Variants in RBFOX3 observed in about 807,000 individuals in gnomAD.
RBFOX3 encodes the protein RNA binding protein fox-1 homolog 3.
Under a neutral mutation model 48.7 loss-of-function variants are expected in RBFOX3, and 17 were observed. The ratio of observed to expected loss-of-function variants is 0.35; its 90% CI spans 0.24 to 0.52. RBFOX3 has a LOEUF of 0.52. Ranked by LOEUF, RBFOX3 falls within the 20% of genes least tolerant of loss-of-function variation. The pLI is 0.94. For synonymous variants in RBFOX3, 212 were observed against 209.5 expected, an observed-to-expected ratio of 1.01 and a Z score of -0.10; for missense variants, 382 against 497.5, an observed-to-expected ratio of 0.77 and a Z score of 2.21.
At chr17:79,333,030 G>A (rs2080637464) in intron 2 of RBFOX3, among the ~76,000 whole-genome samples, 1 of 151,538 alleles carries the variant, frequency 6.6e-6, no homozygotes, top group African/African-American at 2.4e-5. Flanking sequence ...TGGGGTGGGG[G>A]AGAGACATAT....
At chr17:79,478,247 C>G (rs1555764124) in intron 2 of RBFOX3, among the ~76,000 whole-genome samples, 1 of 152,170 alleles carries the variant, frequency 6.6e-6, no homozygotes, top group Non-Finnish European at 1.5e-5. Flanking sequence ...GAAGCACGCT[C>G]ATTTGGAGAT....
At chr17:79,654,122 G>A in the RBFOX3 span, among the ~76,000 whole-genome samples, 2 of 152,120 alleles carry the variant, frequency 1.3e-5, no homozygotes, top group Non-Finnish European at 2.9e-5. Context: ...GGGAATTGTG[G>A]ACGTATACAG....
chr17:79,265,006 A>G (rs2066458854), intron 3 of RBFOX3, among the ~76,000 whole-genome samples: 1 of 151,802 alleles, frequency 6.6e-6, no homozygotes, highest in African/African-American at 2.4e-5. Flanking sequence ...TAAAAACTGC[A>G]TCAAACTACT....
intron 3 of RBFOX3, among the ~76,000 whole-genome samples, chr17:79,277,303 AG>A (rs372298818): frequency 1.4e-4 from 11 of 76,696 alleles, no homozygotes; most frequent in Non-Finnish European, 1.8e-4. Context: ...AATGGTGGGG[AG>A]GGGGGGGGTA....
At chr17:79,618,058 C>T in the RBFOX3 span, among the ~76,000 whole-genome samples, 1 of 152,170 alleles carries the variant, frequency 6.6e-6, no homozygotes, top group Non-Finnish European at 1.5e-5. Context: ...ACTTGCACGC[C>T]GTCCGTCTCT....
chr17:79,406,695 A>G (rs950425993), intron 2 of RBFOX3, among the ~76,000 whole-genome samples: 1 of 152,182 alleles, frequency 6.6e-6, no homozygotes, highest in African/African-American at 2.4e-5. Context: ...ACCACGTCGC[A>G]TGGAATTGGC....
chr17:79,514,985 T>C (rs1555782836), intron 1 of RBFOX3, among the ~76,000 whole-genome samples: 1 of 152,122 alleles, frequency 6.6e-6, no homozygotes, highest in African/African-American at 2.4e-5. Context: ...CCTAGAGCCG[T>C]CACCTCTTTG....
At chr17:79,591,091 T>C (rs12941717) in intron 1 of RBFOX3, among the ~76,000 whole-genome samples, 30,247 of 152,116 alleles carry the variant, frequency 0.2, 3,617 homozygotes, top group Middle Eastern at 0.3. Context: ...CTCCCAAGCC[T>C]GCTCACTGTT....
intron 2 of RBFOX3, among the ~76,000 whole-genome samples, chr17:79,318,344 T>C (rs906784410): frequency 1.3e-5 from 2 of 152,128 alleles, no homozygotes; most frequent in African/African-American, 4.8e-5. Flanking sequence ...GAGATGAAAC[T>C]GCTGGGGGCA....
chr17:79,291,764 TC>T (rs1364952319), intron 3 of RBFOX3, among the ~76,000 whole-genome samples: 1 of 152,134 alleles, frequency 6.6e-6, no homozygotes, highest in Non-Finnish European at 1.5e-5. Flanking sequence ...ACAGCCCCTC[TC>T]CCCTGGCAAC....
At chr17:79,156,634 A>G (rs1448423268) in intron 4 of RBFOX3, among the ~76,000 whole-genome samples, 1 of 151,926 alleles carries the variant, frequency 6.6e-6, no homozygotes, top group Non-Finnish European at 1.5e-5. Flanking sequence ...TTTTATTGGA[A>G]CCTGGCCACA....
At chr17:79,281,690 T>G (rs951674306) in intron 3 of RBFOX3, among the ~76,000 whole-genome samples, 1 of 152,268 alleles carries the variant, frequency 6.6e-6, no homozygotes, top group South Asian at 2.1e-4. Context: ...CTGGTGGACC[T>G]GGCTGGAATT....
At chr17:79,409,932 A>C (rs2064059525) in intron 2 of RBFOX3, among the ~76,000 whole-genome samples, 1 of 152,236 alleles carries the variant, frequency 6.6e-6, no homozygotes, top group South Asian at 2.1e-4. Context: ...TAGAAGGTGC[A>C]GATTGGAGGG....
At chr17:79,611,173 TCCG>T (rs2093964628), upstream of RBFOX3, among the ~76,000 whole-genome samples, 41 of 25,982 alleles carry the variant, frequency 1.6e-3, 1 homozygote, top group East Asian at 6.1e-3. Flanking sequence ...TCTCTCTCTC[TCCG>T]CCCTCCTTCT....
intron 2 of RBFOX3, among the ~76,000 whole-genome samples, chr17:79,323,087 G>A (rs537543485): frequency 1.3e-5 from 2 of 152,290 alleles, no homozygotes; most frequent in South Asian, 2.1e-4. Flanking sequence ...TCATTAGGAG[G>A]GGGCTCCTGC....
intron 2 of RBFOX3, among the ~76,000 whole-genome samples, chr17:79,446,632 C>T (rs1258926088): frequency 6.6e-6 from 1 of 152,218 alleles, no homozygotes; most frequent in Non-Finnish European, 1.5e-5. Flanking sequence ...ACCCATGACC[C>T]ACAACTCACC....
chr17:79,609,937 G>A (rs1458954680), intron 1 of RBFOX3, among the ~76,000 whole-genome samples: 2 of 151,910 alleles, frequency 1.3e-5, no homozygotes, highest in Non-Finnish European at 2.9e-5. Context: ...GGCCACCAGG[G>A]CAGAAAGTTT....
At chr17:79,187,359 G>A (rs1376314879) in intron 4 of RBFOX3, among the ~76,000 whole-genome samples, 1 of 152,236 alleles carries the variant, frequency 6.6e-6, no homozygotes, top group African/African-American at 2.4e-5. Context: ...TGCGCCGTGA[G>A]GACAGTGTGC....
At chr17:79,656,802 GAAAGA>G in the RBFOX3 span, among the ~76,000 whole-genome samples, 1,625 of 4,006 alleles carry the variant, frequency 0.41, 96 homozygotes, top group African/African-American at 0.46. Context: ...AAGAAAGAAA[GAAAGA>G]AAAGAAAGAG....
Sources: allele counts gnomAD v4.1 joint callset (sites outside exome capture counted in the v4.1 genomes callset), GRCh38; gene constraint gnomAD v4.1.1; transcripts MANE v1.5; gene names NCBI Gene and HGNC (gene_info 2026-07-23, HGNC 2026-07-21).